The following GALNT10 variants were observed in gnomAD, a reference collection of about 807,000 sequenced individuals.
The protein encoded by GALNT10 is GalNAc transferase 10.
A neutral mutation model predicts 75.0 loss-of-function variants in GALNT10; 41 were observed. The observed-to-expected ratio is 0.55, with a 90% CI of 0.43 to 0.71. GALNT10 has a LOEUF of 0.71. GALNT10 is among the 30% of genes least tolerant of loss of function. The pLI is 0.00. For synonymous variants in GALNT10, 302 were observed against 313.0 expected (o/e 0.96, Z 0.37); for missense variants, 727 against 818.5 (o/e 0.89, Z 1.36).
intron 3 of GALNT10, among the ~76,000 whole-genome samples, chr5:154,299,651 T>C (rs2113080660): frequency 6.6e-6 from 1 of 152,324 alleles, no homozygotes; most frequent in East Asian, 1.9e-4. Flanking sequence ...CCTACAACAA[T>C]ACTTTGAGGT....
At chr5:154,215,994 CTCT>C (rs1343706615) in intron 1 of GALNT10, among the ~76,000 whole-genome samples, 1 of 152,178 alleles carries the variant, frequency 6.6e-6, no homozygotes, top group East Asian at 1.9e-4. Context: ...TTGTTACCTT[CTCT>C]TCTTCTCTCC....
chr5:154,335,183 A>G (rs1754925058), intron 4 of GALNT10, among the ~76,000 whole-genome samples: 1 of 152,066 alleles, frequency 6.6e-6, no homozygotes, highest in Non-Finnish European at 1.5e-5. Context: ...TTTTCTCTAC[A>G]TCTGTTCTGA....
At position 154,198,353 on chromosome 5, in the gene GALNT10, A is replaced by G. The variant is rs141026128; in HGVS notation, c.159+7328A>G. The stretch of plus-strand genomic sequence containing the variant: ...CAAACACAATGCTTGGTACAGAACA[A>G]GTGCTTGGTAAACATGGTGATGCCG... On this transcript the variant is annotated intron_variant, in intron 1 of 11. Coordinates refer to ENST00000297107, the MANE Select transcript of GALNT10 (RefSeq NM_198321.4). Among the ~76,000 whole-genome samples the G allele has an allele frequency of 3.1e-3, 476 of 152,318 alleles. 6 individuals carry two copies. The highest frequency in any genetic ancestry group is 0.011 in the African/African-American group (452 of 41,570).
At chr5:154,411,618 C>T (rs1176085551) in intron 9 of GALNT10, among the ~76,000 whole-genome samples, 1 of 152,220 alleles carries the variant, frequency 6.6e-6, no homozygotes, top group Non-Finnish European at 1.5e-5. Context: ...ACAGCAGTCA[C>T]AGAGCCCTTG....
intron 3 of GALNT10, among the ~76,000 whole-genome samples, chr5:154,320,033 A>G (rs937817236): frequency 3.3e-5 from 5 of 152,206 alleles, no homozygotes; most frequent in African/African-American, 1.2e-4. Context: ...TACTGGAGAG[A>G]TTAATTTGAG....
At chr5:154,289,855 A>G (rs1468061165) in intron 1 of GALNT10, among the ~76,000 whole-genome samples, 2 of 152,188 alleles carry the variant, frequency 1.3e-5, no homozygotes, top group African/African-American at 4.8e-5. Context: ...AGGCCTACAC[A>G]GTATCTGTGC....
At chr5:154,372,881 C>A (rs1755596049) in intron 4 of GALNT10, among the ~76,000 whole-genome samples, 1 of 152,206 alleles carries the variant, frequency 6.6e-6, no homozygotes, top group African/African-American at 2.4e-5. Context: ...AAGTGCTCAT[C>A]TAACACCTGT....
chr5:154,359,953 A>G (rs901776700), intron 4 of GALNT10, among the ~76,000 whole-genome samples: 2 of 151,978 alleles, frequency 1.3e-5, no homozygotes, highest in Non-Finnish European at 2.9e-5. Flanking sequence ...TTTAATGTGC[A>G]TATTCTATAA....
At chr5:154,195,269 G>C (rs549866926) in intron 1 of GALNT10, among the ~76,000 whole-genome samples, 1 of 152,186 alleles carries the variant, frequency 6.6e-6, no homozygotes, top group Non-Finnish European at 1.5e-5. Context: ...TGCTCCTGAC[G>C]GTGTTTGCAG....
intron 3 of GALNT10, among the ~76,000 whole-genome samples, chr5:154,300,623 T>C (rs1457263839): frequency 6.6e-6 from 1 of 152,234 alleles, no homozygotes; most frequent in Admixed American, 6.5e-5. Flanking sequence ...CTATTCATAG[T>C]ATATATGTAG....
At position 154,419,907 on chromosome 5, in the gene GALNT10, GA is replaced by G. The variant is rs1756594330; in HGVS notation, c.*2936del. 1 of 152,222 alleles carries G rather than the reference GA, an allele frequency of 6.6e-6. No individual in the cohort carries two copies. Among genetic ancestry groups the G allele is most frequent in the Non-Finnish European group, 1.5e-5 (1 of 68,050 alleles). The allele number at this position is 152,222 out of a possible 1,614,324, so 9.4% of individuals were successfully genotyped here. ...TTTCCTCTAAAGCCTTTACTCTGAGGATAAGGTCACAAAGTAGGGTGTGACT... is the reference window on the plus strand; with the variant it reads ...TTTCCTCTAAAGCCTTTACTCTGAGGTAAGGTCACAAAGTAGGGTGTGACT... On this transcript the variant is annotated 3_prime_UTR_variant, in exon 12 of 12. Coordinates refer to ENST00000297107, the MANE Select transcript of GALNT10 (RefSeq NM_198321.4).
At chr5:154,288,474 G>C (rs1287227776) in intron 1 of GALNT10, among the ~76,000 whole-genome samples, 1 of 151,556 alleles carries the variant, frequency 6.6e-6, no homozygotes, top group Non-Finnish European at 1.5e-5. Flanking sequence ...TTAGTGGAAT[G>C]TTAAGTAAAA....
Position 154,409,280 on chromosome 5 carries a change from C to T in GALNT10, c.1165-261C>T, listed in dbSNP as rs914262783. Among the ~76,000 whole-genome samples, 1 of 152,130 alleles carries T rather than the reference C, an allele frequency of 6.6e-6. No homozygotes were observed. Among genetic ancestry groups the T allele is most frequent in the African/African-American group, 2.4e-5 (1 of 41,436 alleles). On this transcript the variant is annotated intron_variant, in intron 8 of 11. Coordinates refer to ENST00000297107, the MANE Select transcript of GALNT10 (RefSeq NM_198321.4). This position sits in a 1 kb window ranked among gnomAD's most constrained non-coding sequence, Gnocchi z 4.5. ...CTCCCCAGAGGAAAATCAGTGGGGG[C>T]TATCGCTAGAAGAAGATGGGATGGA...
intron 7 of GALNT10, chr5:154,393,063 A>AAAACAAAC (rs1554101637): frequency 3.9e-5 from 5 of 128,532 alleles, no homozygotes; most frequent in African/African-American, 1.5e-4. Context: ...TCCACAAAAA[A>AAAACAAAC]AAAAAAAAAA....
chr5:154,308,768 A>G (rs1484310303), intron 3 of GALNT10, among the ~76,000 whole-genome samples: 1 of 152,216 alleles, frequency 6.6e-6, no homozygotes, highest in East Asian at 1.9e-4. Context: ...TGCTAAAATG[A>G]TCAAGAGATA....
At chr5:154,389,931 C>T (rs78736970) in intron 7 of GALNT10, among the ~76,000 whole-genome samples, 1 of 151,950 alleles carries the variant, frequency 6.6e-6, no homozygotes, top group Admixed American at 6.6e-5. Flanking sequence ...ATCAAAAACC[C>T]CCTGCATCCT....
chr5:154,393,166 A>G (rs1474438751), intron 7 of GALNT10, among the ~76,000 whole-genome samples: 1 of 150,756 alleles, frequency 6.6e-6, no homozygotes, highest in Admixed American at 6.6e-5. Context: ...TCAACACCCC[A>G]GGGCTCGAGC....
At chr5:154,218,226 G>A in intron 1 of GALNT10, 4 of 648,264 alleles carry the variant, frequency 6.2e-6, no homozygotes, top group Non-Finnish European at 7.7e-6. Context: ...CATTTTAAAA[G>A]CCCTCCCAGG....
At chr5:154,253,168 T>C (rs1461338360) in intron 1 of GALNT10, among the ~76,000 whole-genome samples, 9 of 151,976 alleles carry the variant, frequency 5.9e-5, no homozygotes, top group Admixed American at 5.9e-4. Flanking sequence ...TTTGAAAACA[T>C]AGGTTGCAGT....
Sources: gnomAD v4.1 joint callset for allele counts (sites outside exome capture counted in the v4.1 genomes callset) on GRCh38, gnomAD v4.1.1 for gene constraint, Gnocchi (gnomAD v3.1) non-coding constraint, MANE v1.5 for transcripts, NCBI Gene and HGNC (gene_info 2026-07-23, HGNC 2026-07-21) for gene names.